RBFOX1: variants seen among roughly 807,000 people sequenced by gnomAD.
RBFOX1 encodes RNA binding fox-1 homolog 1.
A neutral mutation model predicts 57.7 loss-of-function variants in RBFOX1; 8 were observed. That is an observed-to-expected ratio of 0.14 (90% CI 0.08 to 0.25). RBFOX1 has a LOEUF of 0.25. Ranked by LOEUF, RBFOX1 falls within the 10% of genes least tolerant of loss-of-function variation. The pLI is 1.00. For missense variants in RBFOX1, 611 were observed against 548.5 expected, an observed-to-expected ratio of 1.11 and a Z score of -1.14; for synonymous variants, 326 against 222.4, an observed-to-expected ratio of 1.47 and a Z score of -4.15.
At chr16:7,278,706 A>G (rs1421992339) in intron 4 of RBFOX1, among the ~76,000 whole-genome samples, 1 of 152,234 alleles carries the variant, frequency 6.6e-6, no homozygotes, top group East Asian at 1.9e-4. Context: ...CAGTGAAAAC[A>G]TATTACAAAT....
intron 3 of RBFOX1, among the ~76,000 whole-genome samples, chr16:6,889,492 T>C (rs1487868622): frequency 6.6e-6 from 1 of 152,172 alleles, no homozygotes; most frequent in African/African-American, 2.4e-5. Flanking sequence ...AAAATAGGCA[T>C]GTATTTTGAG....
chr16:7,427,053 G>T (rs74905078), intron 4 of RBFOX1, among the ~76,000 whole-genome samples: 1 of 152,192 alleles, frequency 6.6e-6, no homozygotes, highest in African/African-American at 2.4e-5. Flanking sequence ...TCATAGGTGG[G>T]AACTGAACAA....
rs180829059 is a variant in RBFOX1 at position 5,385,319 on chromosome 16, C to G, written c.220-81897C>G. The stretch of plus-strand genomic sequence containing the variant: ...CTTTTTCTGCAGGACTTCTCAGAGC[C>G]TTTACTATTTACCTGTGTACTTGTA... On this transcript the variant is annotated intron_variant, in intron 1 of 2. Transcript: ENST00000585867. Among the ~76,000 whole-genome samples, 808 of 152,322 alleles carry G rather than the reference C, an allele frequency of 5.3e-3. 14 individuals carry two copies. Among genetic ancestry groups the G allele is most frequent in the Admixed American group, 0.048 (731 of 15,290 alleles).
intron 4 of RBFOX1, among the ~76,000 whole-genome samples, chr16:5,883,580 CAT>C (rs2057821232): frequency 1.3e-5 from 2 of 152,252 alleles, no homozygotes; most frequent in South Asian, 4.2e-4. Context: ...TTTGAACACA[CAT>C]GTCTCTCTGC....
intron 3 of RBFOX1, among the ~76,000 whole-genome samples, chr16:5,798,602 G>A (rs1278144760): frequency 2.0e-5 from 3 of 152,180 alleles, no homozygotes; most frequent in Non-Finnish European, 4.4e-5. Flanking sequence ...ACTGGACGTT[G>A]GGTCTTGTGG....
chr16:6,773,582 C>A (rs1337080851), intron 3 of RBFOX1, among the ~76,000 whole-genome samples: 1 of 88,842 alleles, frequency 1.1e-5, no homozygotes, highest in East Asian at 3.9e-4. Context: ...GTGTGGGGTG[C>A]ATTTGTGTGT....
chr16:6,978,765 C>T (rs1193009620), intron 3 of RBFOX1, among the ~76,000 whole-genome samples: 1 of 152,340 alleles, frequency 6.6e-6, no homozygotes, highest in South Asian at 2.1e-4. Context: ...ATTTGAACCC[C>T]AGTGGCCTGA....
At chr16:6,621,206 A>C (rs922301255) in intron 2 of RBFOX1, among the ~76,000 whole-genome samples, 5 of 152,180 alleles carry the variant, frequency 3.3e-5, no homozygotes, top group Non-Finnish European at 7.4e-5. Context: ...TCACGCCTGT[A>C]TTCCCAGCAC....
chr16:5,270,563 G>T (rs1338880937), intron 1 of RBFOX1: 1 of 590,154 alleles, frequency 1.7e-6, no homozygotes, highest in East Asian at 3.3e-5. Flanking sequence ...GAAGACTACC[G>T]ATGGTTACTT....
At chr16:6,560,024 A>G (rs1268906834) in intron 2 of RBFOX1, among the ~76,000 whole-genome samples, 1 of 152,138 alleles carries the variant, frequency 6.6e-6, no homozygotes, top group Non-Finnish European at 1.5e-5. Flanking sequence ...CGTAAAAATC[A>G]CTTACTACCT....
At chr16:6,685,829 A>T (rs1353346122) in intron 3 of RBFOX1, among the ~76,000 whole-genome samples, 1 of 152,134 alleles carries the variant, frequency 6.6e-6, no homozygotes, top group Admixed American at 6.6e-5. Context: ...TATGTCATGA[A>T]AGTGTTTCCT....
At chr16:5,580,131 C>G (rs1054850567) in intron 2 of RBFOX1, among the ~76,000 whole-genome samples, 3 of 152,180 alleles carry the variant, frequency 2.0e-5, no homozygotes, top group African/African-American at 7.2e-5. Flanking sequence ...CCAAGAGGGC[C>G]TGGACTCTGC....
intron 4 of RBFOX1, among the ~76,000 whole-genome samples, chr16:7,179,097 C>T (rs566876275): frequency 9.9e-5 from 15 of 152,050 alleles, no homozygotes; most frequent in African/African-American, 3.1e-4. Context: ...AGTTCAACTT[C>T]GTTTTGGTCA....
At chr16:5,730,154 A>G (rs912019539) in intron 3 of RBFOX1, among the ~76,000 whole-genome samples, 3 of 152,222 alleles carry the variant, frequency 2.0e-5, no homozygotes, top group Non-Finnish European at 2.9e-5. Flanking sequence ...TGGCAGTAGA[A>G]GAAGATTATA....
rs1216107494 is a variant in RBFOX1, at chr16:6,780,645, A to G, written c.-16+125995A>G. 4.9e-5 allele frequency among the ~76,000 whole-genome samples: 7 copies of G among 141,692 alleles called. No individual in the cohort carries two copies. In the East Asian group the frequency reaches 1.2e-3, roughly 25 times the overall value. 93.0% of individuals were successfully genotyped at this position (141,692 alleles called of 152,430 possible). On this transcript the variant is annotated intron_variant, in intron 3 of 15. Transcript: ENST00000550418. ...GTTGTTGGTTTCTTTTCTTTCTTTT[A>G]TATATGTATATATCTATATTGCCTG... is the stretch of plus-strand genomic sequence containing the variant.
At chr16:6,780,542 T>TTACATA (rs1252555959) in intron 3 of RBFOX1, among the ~76,000 whole-genome samples, 1 of 122,824 alleles carries the variant, frequency 8.1e-6, no homozygotes, top group Non-Finnish European at 1.6e-5. Flanking sequence ...ATATATACAT[T>TTACATA]TACATATATA....
intron 4 of RBFOX1, among the ~76,000 whole-genome samples, chr16:7,278,490 C>G (rs945690486): frequency 6.6e-6 from 1 of 152,152 alleles, no homozygotes; most frequent in African/African-American, 2.4e-5. Context: ...ACAGATCTGT[C>G]CAATATTACC....
At chr16:7,052,141 T>C in intron 4 of RBFOX1, 43 bp downstream of exon 4, 1 of 1,580,248 alleles carries the variant, frequency 6.3e-7, no homozygotes, top group East Asian at 2.2e-5. Context: ...TTCTCATTTT[T>C]GTGTGATAAG....
intron 4 of RBFOX1, among the ~76,000 whole-genome samples, chr16:7,186,485 A>G (rs892825454): frequency 3.8e-5 from 5 of 131,284 alleles, no homozygotes; most frequent in Non-Finnish European, 1.6e-5. Flanking sequence ...TATAAGCATA[A>G]ACATATTTAT....
Sources: gnomAD v4.1 joint callset for allele counts (sites outside exome capture counted in the v4.1 genomes callset) on GRCh38, gnomAD v4.1.1 for gene constraint, MANE v1.5 for transcripts, NCBI Gene and HGNC (gene_info 2026-07-23, HGNC 2026-07-21) for gene names.